The following TTLL7 variants were observed in gnomAD, a reference collection of about 807,000 sequenced individuals.
TTLL7 encodes tubulin polyglutamylase TTLL7.
TTLL7 carries 53 observed loss-of-function variants against 120.2 expected under a neutral mutation model. The ratio of observed to expected loss-of-function variants is 0.44; its 90% CI spans 0.35 to 0.55. The LOEUF (loss-of-function observed/expected upper bound fraction) is 0.55. TTLL7 is among the 20% of genes least tolerant of loss of function. The pLI, the probability that TTLL7 is intolerant of heterozygous loss-of-function variation, is 0.00. For missense variants in TTLL7, 803 were observed against 1,054.7 expected (o/e 0.76, Z 3.31); for synonymous variants, 353 against 351.7 (o/e 1.00, Z -0.04).
intron 18 of TTLL7, among the ~76,000 whole-genome samples, chr1:83,899,333 A>G (rs894060690): frequency 6.6e-6 from 1 of 151,898 alleles, no homozygotes; most frequent in Non-Finnish European, 1.5e-5. Context: ...GAGCCCCAAT[A>G]ATCATGAGAC....
chr1:83,983,074 G>T (rs1471867478), intron 1 of TTLL7, among the ~76,000 whole-genome samples: 2 of 152,158 alleles, frequency 1.3e-5, no homozygotes, highest in Non-Finnish European at 2.9e-5. Flanking sequence ...GCTCACACCT[G>T]TAATCCCAGC....
At chr1:83,950,341 C>A (rs1271728473) in intron 3 of TTLL7, among the ~76,000 whole-genome samples, 5 of 152,068 alleles carry the variant, frequency 3.3e-5, no homozygotes, top group Admixed American at 2.6e-4. Flanking sequence ...TTTTTTATGA[C>A]CTTCGGTTAG....
chr1:83,932,473 G>A (rs1040152375), intron 9 of TTLL7, among the ~76,000 whole-genome samples: 2 of 152,168 alleles, frequency 1.3e-5, no homozygotes, highest in South Asian at 2.1e-4. Flanking sequence ...ACCCAGGCTG[G>A]AGCAAAATAT....
At position 83,963,026 on chromosome 1, in the gene TTLL7, G is replaced by A. The variant is rs77268667; in HGVS notation, c.-176-10639C>T. ...CTAAACACAAAGTCAATGGCACAATGACTTTGGACATTTATCATTTTTGCC... is the reference window on the plus strand; with the variant it reads ...CTAAACACAAAGTCAATGGCACAATAACTTTGGACATTTATCATTTTTGCC... On this transcript the variant is annotated intron_variant, in intron 1 of 20. Transcript: ENST00000260505. Among the ~76,000 whole-genome samples the A allele has an allele frequency of 9.4e-3, 1,433 of 152,218 alleles. 13 individuals are homozygous for A. The highest frequency in any genetic ancestry group is 0.014 in the Non-Finnish European group (964 of 67,988).
At chr1:83,958,632 A>G (rs1376128400) in intron 1 of TTLL7, among the ~76,000 whole-genome samples, 1 of 152,240 alleles carries the variant, frequency 6.6e-6, no homozygotes, top group African/African-American at 2.4e-5. Flanking sequence ...CTTGGTTCCC[A>G]AACCAAATTT....
intron 1 of TTLL7, among the ~76,000 whole-genome samples, chr1:83,975,046 G>A (rs770973999): frequency 9.2e-5 from 14 of 152,022 alleles, no homozygotes; most frequent in Non-Finnish European, 1.8e-4. Flanking sequence ...TTTTCTGCAT[G>A]ATATGAAAAG....
At chr1:83,998,401 C>G (rs911849554) in intron 1 of TTLL7, among the ~76,000 whole-genome samples, 4 of 152,024 alleles carry the variant, frequency 2.6e-5, no homozygotes, top group African/African-American at 9.7e-5. Flanking sequence ...GGGAACGCTG[C>G]GATGTGATAT....
rs78562142 is a variant in TTLL7, at chr1:83,880,580, C to G, written c.2543+2383G>C. Among the ~76,000 whole-genome samples, 90 of 152,062 alleles carry G rather than the reference C, an allele frequency of 5.9e-4. No individual in the cohort carries two copies. The East Asian group carries it at 0.015, about 25-fold the overall frequency. Reference sequence around the variant, plus strand: ...GGTTCCATTTTCCTCATTGTTTATTCAACTATTCACTGACTTTTTGAGTAT... The same window carrying G: ...GGTTCCATTTTCCTCATTGTTTATTGAACTATTCACTGACTTTTTGAGTAT... On this transcript the variant is annotated intron_variant, in intron 20 of 20. Transcript: ENST00000260505.
chr1:83,938,620 G>A (rs1647641922), intron 7 of TTLL7, among the ~76,000 whole-genome samples: 1 of 152,070 alleles, frequency 6.6e-6, no homozygotes. Context: ...GTACAGTACC[G>A]TATCGTCCTC....
chr1:83,983,118 G>A (rs1652123940), intron 1 of TTLL7, among the ~76,000 whole-genome samples: 1 of 152,092 alleles, frequency 6.6e-6, no homozygotes, highest in Non-Finnish European at 1.5e-5. Context: ...GAGCAGTTGA[G>A]GTCAGGAGTT....
chr1:83,916,192 A>G (rs1379669237), intron 14 of TTLL7, among the ~76,000 whole-genome samples: 2 of 152,148 alleles, frequency 1.3e-5, no homozygotes, highest in Non-Finnish European at 2.9e-5. Flanking sequence ...ACATGCACAC[A>G]TATGTTTATT....
chr1:83,978,035 T>C (rs1211847746), intron 1 of TTLL7, among the ~76,000 whole-genome samples: 1 of 152,198 alleles, frequency 6.6e-6, no homozygotes, highest in East Asian at 1.9e-4. Context: ...AATAAGAATT[T>C]CTTTTAATTT....
rs1658490807 is a variant in TTLL7 at position 83,919,780 on chromosome 1, T to C, written c.1419A>G (p.Leu473=). Residue 473 remains leucine, a synonymous_variant, in exon 13 of 21, where the codon TTA becomes TTG. Coordinates refer to ENST00000260505, the MANE Select transcript of TTLL7 (RefSeq NM_024686.6). ...AAAGGAAGGTCTGAAAGGCAACAGC[T>C]AACAAATTTTCATACTTTTCAAGTA... The part of the protein sequence containing the change: ...KALLEKYENL[L]AVAFQTFLSG... The C allele has an allele frequency of 6.2e-7, 1 of 1,613,090 alleles. No individual in the cohort carries two copies. The highest frequency in any genetic ancestry group is 8.5e-7 in the Non-Finnish European group (1 of 1,179,444).
chr1:83,948,595 A>G (rs1648737019), intron 5 of TTLL7, 33 bp downstream of exon 5: 1 of 1,420,292 alleles, frequency 7.0e-7, no homozygotes, highest in Non-Finnish European at 9.9e-7. Flanking sequence ...AATTTTGAAC[A>G]GGTCTTCTCC....
At chr1:83,897,324 G>T (rs978220771) in intron 18 of TTLL7, among the ~76,000 whole-genome samples, 1 of 152,024 alleles carries the variant, frequency 6.6e-6, no homozygotes, top group South Asian at 2.1e-4. Context: ...GGGCATGGTA[G>T]TCCCTCAATA....
chr1:83,901,715 C>A (rs1179047500), intron 18 of TTLL7, among the ~76,000 whole-genome samples: 1 of 151,898 alleles, frequency 6.6e-6, no homozygotes, highest in African/African-American at 2.4e-5. Context: ...CATGGCAGGA[C>A]ACTAAGCAAA....
At chr1:83,892,302 A>G (rs1196300818) in intron 18 of TTLL7, among the ~76,000 whole-genome samples, 1 of 86,746 alleles carries the variant, frequency 1.2e-5, no homozygotes, top group Non-Finnish European at 2.9e-5. Flanking sequence ...ATATGAATAT[A>G]TATACGAATA....
Position 83,921,393 on chromosome 1 carries a change from T to C in TTLL7, c.1144A>G (p.Thr382Ala), listed in dbSNP as rs753567770. 3 of 1,610,284 alleles carry C rather than the reference T, an allele frequency of 1.9e-6. No individual in the cohort carries two copies. The highest frequency in any genetic ancestry group is 1.1e-5 in the South Asian group (1 of 90,850). ...LNALKLLNIR[T>A]SDKRRNLAKQ... Reference sequence around the variant, plus strand: ...GCCAAGTTTCTTCTTTTGTCACTGGTCCTAAAATATAAAACATAAGACCAT... The same window carrying C: ...GCCAAGTTTCTTCTTTTGTCACTGGCCCTAAAATATAAAACATAAGACCAT... The change falls in exon 11 of 21, where the codon ACC becomes GCC. Residue 382 changes from threonine to alanine, a missense_variant and splice_region_variant. Coordinates refer to ENST00000260505, the MANE Select transcript of TTLL7 (RefSeq NM_024686.6).
intron 1 of TTLL7, among the ~76,000 whole-genome samples, chr1:83,988,771 C>T (rs1652718473): frequency 6.6e-6 from 1 of 151,792 alleles, no homozygotes; most frequent in South Asian, 2.1e-4. Context: ...TGCGGTGGCA[C>T]GATCTCAGCT....
Sources: allele counts gnomAD v4.1 joint callset (sites outside exome capture counted in the v4.1 genomes callset), GRCh38; gene constraint gnomAD v4.1.1; transcripts MANE v1.5; gene names NCBI Gene and HGNC (gene_info 2026-07-23, HGNC 2026-07-21).